Variants in ITPR1 observed in about 807,000 individuals in gnomAD.
The protein encoded by ITPR1 is inositol 1,4,5-trisphosphate-gated calcium channel ITPR1.
Under a neutral mutation model 318.4 loss-of-function variants are expected in ITPR1, and 96 were observed. The ratio of observed to expected loss-of-function variants is 0.30; its 90% CI spans 0.26 to 0.36. The LOEUF is 0.36. Among genes scored for constraint, ITPR1 ranks in the 10% least tolerant of loss-of-function variants. The probability of loss-of-function intolerance (pLI) is 1.00; values close to 1 mark genes in which losing one functional copy is unlikely to be tolerated. For missense variants in ITPR1, 2,440 were observed against 3,460.2 expected (o/e 0.71, Z 7.40); for synonymous variants, 1,312 against 1,289.9 (o/e 1.02, Z -0.37).
intron 10 of ITPR1, among the ~76,000 whole-genome samples, chr3:4,649,380 TAAAAG>T (rs1458424717): frequency 6.6e-6 from 1 of 152,144 alleles, no homozygotes; most frequent in African/African-American, 2.4e-5. Flanking sequence ...CCCCTCAAAA[TAAAAG>T]AGGGAAGACA....
intron 60 of ITPR1, among the ~76,000 whole-genome samples, chr3:4,827,266 C>T (rs1031161983): frequency 6.6e-6 from 1 of 152,180 alleles, no homozygotes; most frequent in Admixed American, 6.5e-5. Flanking sequence ...TTGTAACTCC[C>T]CTGCTTCAAC....
intron 34 of ITPR1, among the ~76,000 whole-genome samples, 169 bp downstream of exon 34, chr3:4,697,441 T>G (rs2094577825): frequency 7.2e-6 from 1 of 139,424 alleles, no homozygotes; most frequent in Non-Finnish European, 1.6e-5. Flanking sequence ...TTTCTTCTCA[T>G]GTATCCTTTC....
At position 4,663,075 on chromosome 3, in the gene ITPR1, A is replaced by C; in HGVS notation, c.1423A>C (p.Lys475Gln). The C allele has an allele frequency of 1.2e-6, 2 of 1,613,802 alleles. No homozygotes were observed. Among genetic ancestry groups the C allele is most frequent in the Non-Finnish European group, 1.7e-6 (2 of 1,179,750 alleles). Reference protein sequence around the residue: ...ITQNERRSVTKLLEDLVYFVT... With the variant: ...ITQNERRSVTQLLEDLVYFVT... ...GTCTTTCCTCCTAAGGTCTGTAACC[A>C]AGCTGCTAGAAGATTTGGTTTACTT... Residue 475 changes from lysine (K) to glutamine (Q), a missense_variant, in exon 16 of 62, where the codon AAG becomes CAG. By Grantham distance (53) the Lys-to-Gln change is moderately conservative. Around this residue, in one of 23 missense-constraint regions of ITPR1, gnomAD observed 478 missense variants for 696.3 expected, o/e 0.69. Coordinates refer to ENST00000649015, the MANE Select transcript of ITPR1 (RefSeq NM_001378452.1).
chr3:4,676,575 A>G (rs1372833058), intron 23 of ITPR1, 39 bp from the exon 24 acceptor site: 5 of 1,542,648 alleles, frequency 3.2e-6, no homozygotes, highest in Non-Finnish European at 4.5e-6. Context: ...AGCATTCTCT[A>G]GAGACATTGT....
rs568535341 is a variant in ITPR1 at position 4,503,055 on chromosome 3, A to G, written c.-17+8549A>G. Among the ~76,000 whole-genome samples, 244 of 150,832 alleles carry G rather than the reference A, an allele frequency of 1.6e-3. 1 individual carries two copies. The highest frequency in any genetic ancestry group is 3.0e-3 in the Non-Finnish European group (204 of 67,016). ...AGCTGAGATCGCACCACTGCACTCC[A>G]GCCTGGGGGGCAGAGTGAGACTCCA... On this transcript the variant is annotated intron_variant, in intron 2 of 61. Transcript: ENST00000649015.
intron 4 of ITPR1, among the ~76,000 whole-genome samples, chr3:4,538,697 C>A (rs943559223): frequency 2.0e-5 from 3 of 152,100 alleles, no homozygotes; most frequent in African/African-American, 7.2e-5. Context: ...ATATATACAC[C>A]ATGGAATACT....
At chr3:4,505,779 G>A (rs888378229) in intron 2 of ITPR1, among the ~76,000 whole-genome samples, 1 of 152,206 alleles carries the variant, frequency 6.6e-6, no homozygotes, top group African/African-American at 2.4e-5. Flanking sequence ...TCACCTGGCT[G>A]TGCTTTGGTG....
chr3:4,826,006 C>A lies in ITPR1; in HGVS notation c.8028+7764C>A, dbSNP rs1164337298. ...CTTTAAGGAACTCAGAAGTTGGAGT[C>A]CCTGCCAGACAGCACTTAGGTGCAG... On this transcript the variant is annotated intron_variant, in intron 60 of 61. Coordinates refer to ENST00000649015, the MANE Select transcript of ITPR1 (RefSeq NM_001378452.1). This position sits in a 1 kb window ranked among gnomAD's most constrained non-coding sequence, Gnocchi z 4.2. 3 of 355,688 alleles carry A rather than the reference C, an allele frequency of 8.4e-6. No homozygotes were observed. Among genetic ancestry groups the A allele is most frequent in the Non-Finnish European group, 1.7e-5 (3 of 180,748 alleles). 22.0% of individuals were successfully genotyped at this position (355,688 alleles called of 1,614,324 possible). A position where few individuals can be genotyped will look rare whatever the true frequency, so the allele number is the denominator to read the frequency against.
At chr3:4,842,410 C>T (rs1400400237) in intron 61 of ITPR1, among the ~76,000 whole-genome samples, 1 of 152,194 alleles carries the variant, frequency 6.6e-6, no homozygotes, top group Non-Finnish European at 1.5e-5. Context: ...CTGTGTTGCC[C>T]AGGCTGGAGT....
At chr3:4,591,939 T>A (rs2090429919) in intron 4 of ITPR1, among the ~76,000 whole-genome samples, 1 of 152,202 alleles carries the variant, frequency 6.6e-6, no homozygotes, top group African/African-American at 2.4e-5. Context: ...GGATACAGAT[T>A]GAAAGGGCTT....
At chr3:4,627,097 A>G (rs2092853688) in intron 4 of ITPR1, among the ~76,000 whole-genome samples, 1 of 152,170 alleles carries the variant, frequency 6.6e-6, no homozygotes. Context: ...CTAGGATTAC[A>G]GGCATGAGCC....
intron 4 of ITPR1, among the ~76,000 whole-genome samples, chr3:4,578,219 T>C (rs1356886499): frequency 6.6e-6 from 1 of 152,242 alleles, no homozygotes; most frequent in South Asian, 2.1e-4. Flanking sequence ...TGGTTTGATA[T>C]GAGGTTAAAA....
At chr3:4,697,323 T>TGTGA in intron 34 of ITPR1, 51 bp downstream of exon 34, 1 of 1,286,956 alleles carries the variant, frequency 7.8e-7, no homozygotes. Context: ...GAGGTGTGTG[T>TGTGA]GTGTGTGTGT....
chr3:4,823,780 G>A (rs2049877465), intron 60 of ITPR1, among the ~76,000 whole-genome samples: 1 of 152,196 alleles, frequency 6.6e-6, no homozygotes, highest in South Asian at 2.1e-4. Context: ...TAACAAAAAT[G>A]TGTGGTGCTT....
chr3:4,582,617 TAG>T (rs2089472008), intron 4 of ITPR1, among the ~76,000 whole-genome samples: 1 of 152,206 alleles, frequency 6.6e-6, no homozygotes, highest in Non-Finnish European at 1.5e-5. Context: ...AGGAAGTGGA[TAG>T]AGAGGATTCA....
intron 52 of ITPR1, among the ~76,000 whole-genome samples, chr3:4,789,694 A>G (rs963176886): frequency 6.6e-6 from 1 of 152,178 alleles, no homozygotes; most frequent in Non-Finnish European, 1.5e-5. Flanking sequence ...ATCTCGGGTC[A>G]CTGCAACCTC....
chr3:4,810,018 A>G (rs1209719981), intron 55 of ITPR1, among the ~76,000 whole-genome samples: 1 of 152,190 alleles, frequency 6.6e-6, no homozygotes, highest in Non-Finnish European at 1.5e-5. Flanking sequence ...AGAAAAGCCA[A>G]TCGACCGGAA....
At chr3:4,734,276 A>C (rs1034536518) in intron 43 of ITPR1, among the ~76,000 whole-genome samples, 2 of 152,220 alleles carry the variant, frequency 1.3e-5, no homozygotes, top group African/African-American at 4.8e-5. Context: ...TTTAACAATT[A>C]TGTGAAGCCC....
chr3:4,680,412 T>G (rs1384076048), intron 24 of ITPR1, 141 bp from the exon 25 acceptor site: 2 of 706,112 alleles, frequency 2.8e-6, no homozygotes, highest in Non-Finnish European at 4.8e-6. Flanking sequence ...TGTTGAAATC[T>G]AAGCCAAATA....
Sources: gnomAD v4.1 joint callset for allele counts (sites outside exome capture counted in the v4.1 genomes callset) on GRCh38, gnomAD v4.1.1 for gene constraint, gnomAD v4.1.1 regional missense constraint, Gnocchi (gnomAD v3.1) non-coding constraint, MANE v1.5 for transcripts, NCBI Gene and HGNC (gene_info 2026-07-23, HGNC 2026-07-21) for gene names.